Variants in GCNT4 observed in about 807,000 individuals in gnomAD.
The protein encoded by GCNT4 is beta-1,3-galactosyl-O-glycosyl-glycoprotein beta-1,6-N-acetylglucosaminyltransferase 4.
GCNT4 carries 17 observed loss-of-function variants against 31.3 expected under a neutral mutation model. The ratio of observed to expected loss-of-function variants is 0.54; its 90% CI spans 0.37 to 0.81. The LOEUF (loss-of-function observed/expected upper bound fraction) is 0.81, where lower values mean the gene tolerates loss of function less well. GCNT4 is among the 40% of genes least tolerant of loss of function. GCNT4 has a pLI of 0.00. For missense variants in GCNT4, 503 were observed against 525.5 expected (o/e 0.96, Z 0.42); for synonymous variants, 158 against 190.6 (o/e 0.83, Z 1.41).
At chr5:75,045,598 T>C (rs993867647) in intron 3 of GCNT4, among the ~76,000 whole-genome samples, 8 of 152,256 alleles carry the variant, frequency 5.3e-5, no homozygotes, top group Non-Finnish European at 1.0e-4. Flanking sequence ...AACAAGGGTG[T>C]ACAAACACCT....
At chr5:75,021,294 G>C (rs962906520), downstream of GCNT4, among the ~76,000 whole-genome samples, 1 of 152,112 alleles carries the variant, frequency 6.6e-6, no homozygotes, top group Non-Finnish European at 1.5e-5. Flanking sequence ...TATGTTTTGT[G>C]ATTAAAAAAG....
At position 75,029,617 on chromosome 5, in the gene GCNT4, T is replaced by A; in HGVS notation, c.421A>T (p.Lys141Ter). The A allele has an allele frequency of 1.9e-6, 3 of 1,614,182 alleles. No homozygotes were observed. The highest frequency in any genetic ancestry group is 2.5e-6 in the Non-Finnish European group (3 of 1,180,034). ...FPIAYSLVVHKDAIMVERLIH... is the reference protein window; with the variant it reads ...FPIAYSLVVH ...AGCCTTTCAACCATAATTGCATCTT[T>A]GTGGACAACCAAAGAATAGGCTATT... Residue 141 changes from lysine (K) to a stop codon, truncating the protein, a stop_gained, in exon 4 of 4, where the codon AAA (lysine) becomes TAA (stop). Coordinates refer to ENST00000652361, the MANE Select transcript of GCNT4 (RefSeq NM_001366737.1). LOFTEE classifies it high-confidence loss of function.
chr5:75,050,444 TCTCA>T (rs1346098297), intron 2 of GCNT4, among the ~76,000 whole-genome samples: 2 of 151,988 alleles, frequency 1.3e-5, no homozygotes, highest in Admixed American at 1.3e-4. Flanking sequence ...CCGTCCCACC[TCTCA>T]CTCTGGGAGC....
intron 3 of GCNT4, among the ~76,000 whole-genome samples, chr5:75,038,053 TG>T (rs1743240308): frequency 6.6e-6 from 1 of 151,994 alleles, no homozygotes; most frequent in Non-Finnish European, 1.5e-5. Context: ...CCTTCCAGAC[TG>T]GTTTTAAGAA....
intron 2 of GCNT4, among the ~76,000 whole-genome samples, chr5:75,050,668 T>C (rs914322504): frequency 1.3e-5 from 2 of 152,052 alleles, no homozygotes; most frequent in African/African-American, 4.8e-5. Context: ...ATGTTCCCTG[T>C]TTCCGTAAAT....
intron 3 of GCNT4, among the ~76,000 whole-genome samples, chr5:75,047,016 T>C (rs903549282): frequency 2.0e-5 from 3 of 152,240 alleles, no homozygotes; most frequent in African/African-American, 4.8e-5. Context: ...CTTATCTTCC[T>C]AGCTGCTTCT....
At position 75,028,968 on chromosome 5, in the gene GCNT4, T is replaced by C; in HGVS notation, c.1070A>G (p.Gln357Arg). The C allele has an allele frequency of 6.2e-7, 1 of 1,614,046 alleles. No individual in the cohort carries two copies. The highest frequency in any genetic ancestry group is 8.5e-7 in the Non-Finnish European group (1 of 1,180,000). Reference sequence around the variant, plus strand: ...CTTACTCTGCAGATCAGACACATCCTGGGCTGATCTGGAAATCTCCCCAGG... The same window carrying C: ...CTTACTCTGCAGATCAGACACATCCCGGGCTGATCTGGAAATCTCCCCAGG... ...GIPGEISRSAQDVSDLQSKTR... is the reference protein window; with the variant it reads ...GIPGEISRSARDVSDLQSKTR... The change falls in exon 4 of 4, where the codon CAG (glutamine) becomes CGG (arginine). Residue 357 changes from glutamine to arginine, a missense_variant. Physicochemically the swap from Gln to Arg is conservative, Grantham distance 43 (BLOSUM62 1). Transcript: ENST00000652361.
At position 75,027,023 on chromosome 5, in the gene GCNT4, T is replaced by C. The variant is rs1742959768; in HGVS notation, c.*1653A>G. 1 of 151,910 alleles carries C rather than the reference T, an allele frequency of 6.6e-6. No homozygotes were observed. The highest frequency in any genetic ancestry group is 1.5e-5 in the Non-Finnish European group (1 of 67,972). The allele number at this position is 151,910 out of a possible 1,614,324, so 9.4% of individuals were successfully genotyped here. A position where few individuals can be genotyped will look rare whatever the true frequency, so the allele number is the denominator to read the frequency against. ...TTAGAACACAGACATTTAAAAAATA[T>C]GTAATACTTAAATCTTCCAAATTGT... On this transcript the variant is annotated 3_prime_UTR_variant, in exon 4 of 4. Coordinates refer to ENST00000652361, the MANE Select transcript of GCNT4 (RefSeq NM_001366737.1).
chr5:75,038,071 T>C (rs886952276), intron 3 of GCNT4, among the ~76,000 whole-genome samples: 2 of 150,688 alleles, frequency 1.3e-5, no homozygotes, highest in East Asian at 1.9e-4. Context: ...AGAAACACAT[T>C]TTTTTTTTGG....
chr5:75,036,744 G>C (rs62369188), intron 3 of GCNT4, among the ~76,000 whole-genome samples: 17,642 of 152,144 alleles, frequency 0.12, 1,288 homozygotes, highest in East Asian at 0.21. Flanking sequence ...CTAATGAAGA[G>C]GTTAGTCAGT....
chr5:75,024,621 A>G (rs1454898518), downstream of GCNT4, among the ~76,000 whole-genome samples: 1 of 152,170 alleles, frequency 6.6e-6, no homozygotes, highest in Non-Finnish European at 1.5e-5. Context: ...GCCTGGGGAC[A>G]CTGGGGGTGT....
intron 3 of GCNT4, chr5:75,030,820 A>G (rs942104072): frequency 6.0e-6 from 1 of 167,074 alleles, no homozygotes; most frequent in Non-Finnish European, 1.5e-5. Context: ...GTGCAAAGTC[A>G]AGCACAAAGA....
intron 2 of GCNT4, among the ~76,000 whole-genome samples, chr5:75,049,119 C>T (rs1406156687): frequency 7.9e-6 from 1 of 127,186 alleles, no homozygotes; most frequent in African/African-American, 3.1e-5. Context: ...GGTTTTGAAG[C>T]CTCACACATT....
chr5:75,040,382 A>G (rs1743292672), intron 3 of GCNT4, among the ~76,000 whole-genome samples: 1 of 152,160 alleles, frequency 6.6e-6, no homozygotes, highest in Admixed American at 6.5e-5. Flanking sequence ...AGACAGAAAC[A>G]TAAGGTCTTT....
intron 3 of GCNT4, among the ~76,000 whole-genome samples, chr5:75,035,693 C>T (rs184493218): frequency 2.0e-4 from 30 of 152,318 alleles, no homozygotes; most frequent in Admixed American, 4.6e-4. Context: ...AACGCTGGCG[C>T]TTTCTGACTG....
At position 75,029,896 on chromosome 5, in the gene GCNT4, A is replaced by C; in HGVS notation, c.142T>G (p.Tyr48Asp). Reference sequence around the variant, plus strand: ...ACAAAAGGCGAGGTACTTAGGGAGTACTCAACCAAGTAAATGTCTTTTTGC... The same window carrying C: ...ACAAAAGGCGAGGTACTTAGGGAGTCCTCAACCAAGTAAATGTCTTTTTGC... ...FPQKDIYLVE[Y>D]SLSTSPFVRN... Residue 48 changes from tyrosine to aspartate, a missense_variant, in exon 4 of 4, where the codon TAC becomes GAC. By Grantham distance (160) the Tyr-to-Asp change is radical (BLOSUM62 -3). Coordinates refer to ENST00000652361, the MANE Select transcript of GCNT4 (RefSeq NM_001366737.1). The C allele has an allele frequency of 6.2e-7, 1 of 1,614,146 alleles. No homozygotes were observed. The highest frequency in any genetic ancestry group is 1.3e-5 in the African/African-American group (1 of 75,050).
rs768222125 is a variant in GCNT4 at position 75,029,258 on chromosome 5, A to T, written c.780T>A (p.Ser260Arg). The T allele has an allele frequency of 6.2e-7, 1 of 1,614,100 alleles. No individual in the cohort carries two copies. Among genetic ancestry groups the T allele is most frequent in the South Asian group, 1.1e-5 (1 of 91,080 alleles). ...GATGGTAAGTGAATCTTTCCAATTT[A>T]CTGTTTGGGGGTTTCACCGTCTCCA... ...NMLETVKPPN[S>R]KLERFTYHHE... Residue 260 changes from serine (S) to arginine (R), a missense_variant, in exon 4 of 4, where the codon AGT becomes AGA. Transcript: ENST00000652361.
intron 3 of GCNT4, chr5:75,030,944 C>T (rs2149954089): frequency 6.0e-6 from 1 of 166,958 alleles, no homozygotes; most frequent in East Asian, 1.9e-4. Flanking sequence ...CCTGAGACCA[C>T]TCTGCATGTA....
At chr5:75,024,281 G>C (rs1244512751), downstream of GCNT4, among the ~76,000 whole-genome samples, 1 of 152,140 alleles carries the variant, frequency 6.6e-6, no homozygotes, top group Non-Finnish European at 1.5e-5. Flanking sequence ...ATAGTCCCCT[G>C]TTCCTGAAAT....
Sources: allele counts gnomAD v4.1 joint callset (sites outside exome capture counted in the v4.1 genomes callset), GRCh38; gene constraint gnomAD v4.1.1; transcripts MANE v1.5; gene names NCBI Gene and HGNC (gene_info 2026-07-23, HGNC 2026-07-21).